The following GRIK3 variants were observed in gnomAD, a reference collection of about 807,000 sequenced individuals.
GRIK3 encodes the protein glutamate ionotropic receptor kainate type subunit 3.
In GRIK3, 29 loss-of-function variants were observed where a neutral mutation model predicts 102.5. That is an observed-to-expected ratio of 0.28 (90% CI 0.21 to 0.39). GRIK3 has a LOEUF of 0.39. Among genes scored for constraint, GRIK3 ranks in the 10% least tolerant of loss-of-function variants. GRIK3 has a pLI of 1.00. For missense variants in GRIK3, 908 were observed against 1,252.4 expected (o/e 0.73, Z 4.15); for synonymous variants, 511 against 504.9 (o/e 1.01, Z -0.16).
chr1:36,985,022 C>A (rs1290583711), intron 1 of GRIK3, among the ~76,000 whole-genome samples: 1 of 152,114 alleles, frequency 6.6e-6, no homozygotes, highest in Non-Finnish European at 1.5e-5. Context: ...GAAGCCCGGG[C>A]AGGAACAGAA....
intron 1 of GRIK3, among the ~76,000 whole-genome samples, chr1:37,033,051 G>T (rs560317594): frequency 2.6e-5 from 4 of 152,300 alleles, no homozygotes; most frequent in Admixed American, 2.0e-4. Context: ...CAGGGCCTGC[G>T]GTGATGGAGG....
At chr1:36,813,539 C>T (rs1196422856) in intron 13 of GRIK3, among the ~76,000 whole-genome samples, 1 of 152,138 alleles carries the variant, frequency 6.6e-6, no homozygotes, top group East Asian at 1.9e-4. Flanking sequence ...ACCTTGTACC[C>T]CGCTCCACCA....
chr1:36,958,231 C>A (rs1361453523), intron 1 of GRIK3, among the ~76,000 whole-genome samples: 1 of 108,964 alleles, frequency 9.2e-6, no homozygotes, highest in Admixed American at 9.7e-5. Context: ...AGCCTGTGTG[C>A]CCCGTGAGCC....
At chr1:36,830,380 G>A (rs895829702) in intron 10 of GRIK3, among the ~76,000 whole-genome samples, 1 of 150,650 alleles carries the variant, frequency 6.6e-6, no homozygotes, top group African/African-American at 2.4e-5. Flanking sequence ...CCAATTATGT[G>A]CAAATCCTAA....
At chr1:36,810,713 T>G (rs981859581) in intron 13 of GRIK3, among the ~76,000 whole-genome samples, 1 of 152,232 alleles carries the variant, frequency 6.6e-6, no homozygotes, top group Non-Finnish European at 1.5e-5. Context: ...TTAATTGGCT[T>G]TCTTATCTCT....
intron 1 of GRIK3, among the ~76,000 whole-genome samples, chr1:36,902,028 G>A (rs1044418326): frequency 2.0e-5 from 3 of 152,124 alleles, no homozygotes; most frequent in Non-Finnish European, 2.9e-5. Flanking sequence ...AACAAAATAT[G>A]TACAAGATAT....
intron 1 of GRIK3, among the ~76,000 whole-genome samples, chr1:36,928,247 C>T (rs1288760958): frequency 6.6e-6 from 1 of 152,196 alleles, no homozygotes; most frequent in African/African-American, 2.4e-5. Context: ...CAGCTCTATT[C>T]TGCAAAATCT....
intron 1 of GRIK3, among the ~76,000 whole-genome samples, chr1:36,919,871 G>T (rs573390939): frequency 5.9e-5 from 9 of 152,332 alleles, no homozygotes; most frequent in African/African-American, 2.2e-4. Flanking sequence ...CAGGAGAGAG[G>T]TGCATGGTGT....
intron 1 of GRIK3, among the ~76,000 whole-genome samples, chr1:36,922,575 G>A (rs1289909481): frequency 6.6e-6 from 1 of 152,202 alleles, no homozygotes; most frequent in Non-Finnish European, 1.5e-5. Context: ...TGATCCAGAT[G>A]TTTACCAGGA....
At chr1:36,996,193 A>G (rs1157447151) in intron 1 of GRIK3, among the ~76,000 whole-genome samples, 1 of 152,242 alleles carries the variant, frequency 6.6e-6, no homozygotes, top group African/African-American at 2.4e-5. Flanking sequence ...GCTCCTGACA[A>G]CAAGTGGGAA....
intron 1 of GRIK3, among the ~76,000 whole-genome samples, chr1:37,023,766 T>A (rs1642739098): frequency 6.6e-6 from 1 of 151,982 alleles, no homozygotes; most frequent in Admixed American, 6.5e-5. Flanking sequence ...ACCCCAACCA[T>A]ACTATAGGCT....
rs569404719 is a variant in GRIK3, at chr1:36,812,000, G to A, written c.2091+5060C>T. Among the ~76,000 whole-genome samples, 12 of 152,214 alleles carry A rather than the reference G, an allele frequency of 7.9e-5. 1 individual carries two copies. The South Asian group carries it at 1.2e-3, about 16-fold the overall frequency. On this transcript the variant is annotated intron_variant, in intron 13 of 15. Coordinates refer to ENST00000373091, the MANE Select transcript of GRIK3 (RefSeq NM_000831.4). ...TGATGTAACTTGATGACGACAGGCG[G>A]CATCACACTGAATTCTGCCTGGGCA...
At chr1:36,887,845 A>G (rs1183975088) in intron 2 of GRIK3, among the ~76,000 whole-genome samples, 1 of 151,590 alleles carries the variant, frequency 6.6e-6, no homozygotes, top group East Asian at 1.9e-4. Flanking sequence ...CTATATATAT[A>G]TAATGAGACT....
At chr1:36,902,603 A>G (rs948913881) in intron 1 of GRIK3, among the ~76,000 whole-genome samples, 3 of 152,228 alleles carry the variant, frequency 2.0e-5, no homozygotes, top group African/African-American at 7.2e-5. Context: ...ACCTCAATGT[A>G]CAATGCAAAA....
At chr1:36,913,261 G>A (rs1029679267) in intron 1 of GRIK3, among the ~76,000 whole-genome samples, 1 of 152,180 alleles carries the variant, frequency 6.6e-6, no homozygotes, top group Non-Finnish European at 1.5e-5. Context: ...CCTGCCACCA[G>A]CAGCCCCTCT....
Position 36,850,391 on chromosome 1 carries a change from T to A in GRIK3, c.1246A>T (p.Ile416Phe). The stretch of plus-strand genomic sequence containing the variant: ...CCTCGGCCTTTGGCAACCTCAGTGA[T>A]GTTGAGCCCGTCGGCAGGACTCCAC... Reference protein sequence around the residue: ...GVWSPADGLNITEVAKGRGPN... With the variant: ...GVWSPADGLNFTEVAKGRGPN... The change falls in exon 9 of 16, where the codon ATC becomes TTC. Residue 416 changes from isoleucine to phenylalanine, a missense_variant. Physicochemically the swap from Ile to Phe is conservative, Grantham distance 21. Around this residue, in one of 3 missense-constraint regions of GRIK3, gnomAD observed 585 missense variants for 824.9 expected, o/e 0.71. Coordinates refer to ENST00000373091, the MANE Select transcript of GRIK3 (RefSeq NM_000831.4). This position sits in a 1 kb window ranked among gnomAD's most constrained non-coding sequence, Gnocchi z 4.0. 1.2e-6 allele frequency: 2 copies of A among 1,613,620 alleles called. No homozygotes were observed. The highest frequency in any genetic ancestry group is 1.7e-6 in the Non-Finnish European group (2 of 1,179,586).
intron 10 of GRIK3, among the ~76,000 whole-genome samples, chr1:36,833,039 C>T (rs1640328980): frequency 6.6e-6 from 1 of 152,148 alleles, no homozygotes; most frequent in South Asian, 2.1e-4. Context: ...GATATACAGC[C>T]CAGGAGTGTG....
intron 1 of GRIK3, among the ~76,000 whole-genome samples, chr1:37,007,830 G>A (rs899448377): frequency 6.6e-6 from 1 of 152,252 alleles, no homozygotes; most frequent in Admixed American, 6.5e-5. Flanking sequence ...GAGGAGGGCA[G>A]TGATGGGACA....
At chr1:36,843,788 A>T (rs954751987) in intron 9 of GRIK3, among the ~76,000 whole-genome samples, 1 of 152,110 alleles carries the variant, frequency 6.6e-6, no homozygotes, top group African/African-American at 2.4e-5. Context: ...CAGCACCCCA[A>T]CGTGACAGAA....
Sources: allele counts gnomAD v4.1 joint callset (sites outside exome capture counted in the v4.1 genomes callset), GRCh38; gene constraint gnomAD v4.1.1; regional missense constraint gnomAD v4.1.1; non-coding constraint Gnocchi (gnomAD v3.1); transcripts MANE v1.5; gene names NCBI Gene and HGNC (gene_info 2026-07-23, HGNC 2026-07-21).